The following GREB1L variants were observed in gnomAD, a reference collection of about 807,000 sequenced individuals.
GREB1L encodes GREB1-like protein.
A neutral mutation model predicts 200.8 loss-of-function variants in GREB1L; 17 were observed. The ratio of observed to expected loss-of-function variants is 0.08; its 90% CI spans 0.06 to 0.13. The LOEUF (loss-of-function observed/expected upper bound fraction) is 0.13. GREB1L is among the 10% of genes least tolerant of loss of function. The pLI is 1.00. For synonymous variants in GREB1L, 789 were observed against 893.0 expected (o/e 0.88, Z 2.08); for missense variants, 1,657 against 2,367.7 (o/e 0.70, Z 6.23).
At chr18:21,324,066 G>A (rs547127498) in intron 1 of GREB1L, among the ~76,000 whole-genome samples, 1 of 152,224 alleles carries the variant, frequency 6.6e-6, no homozygotes, top group South Asian at 2.1e-4. Flanking sequence ...ATTACCTGTT[G>A]GGTATTTGAT....
intron 6 of GREB1L, among the ~76,000 whole-genome samples, chr18:21,403,164 G>T (rs1355907341): frequency 1.3e-5 from 2 of 152,010 alleles, no homozygotes; most frequent in Admixed American, 6.6e-5. Flanking sequence ...GACGAATAGG[G>T]TAAAATTTGG....
intron 18 of GREB1L, among the ~76,000 whole-genome samples, chr18:21,486,120 C>T (rs1307527345): frequency 1.3e-5 from 2 of 152,134 alleles, no homozygotes; most frequent in African/African-American, 4.8e-5. Flanking sequence ...TTTGGGAGGC[C>T]GAGGCGGGCG....
At chr18:21,390,484 TG>T (rs1220820560) in intron 4 of GREB1L, among the ~76,000 whole-genome samples, 1 of 152,132 alleles carries the variant, frequency 6.6e-6, no homozygotes, top group East Asian at 1.9e-4. Context: ...TAGGCTAATG[TG>T]TGTGTTTGTG....
intron 1 of GREB1L, among the ~76,000 whole-genome samples, chr18:21,245,268 G>A (rs1257766135): frequency 3.3e-5 from 5 of 152,158 alleles, no homozygotes; most frequent in Non-Finnish European, 1.5e-5. Context: ...TAAAAGCACC[G>A]CTGATGAAAC....
intron 1 of GREB1L, among the ~76,000 whole-genome samples, chr18:21,321,578 T>A (rs1011694528): frequency 1.3e-5 from 2 of 151,678 alleles, no homozygotes; most frequent in African/African-American, 4.8e-5. Flanking sequence ...TCCCAGCTAC[T>A]TGGGAAGCTG....
intron 17 of GREB1L, among the ~76,000 whole-genome samples, chr18:21,484,566 C>T (rs1418859820): frequency 6.6e-6 from 1 of 152,158 alleles, no homozygotes; most frequent in Non-Finnish European, 1.5e-5. Flanking sequence ...CCTGTAATCC[C>T]AGCACTTTGG....
At chr18:21,453,943 C>G (rs1452221235) in intron 14 of GREB1L, among the ~76,000 whole-genome samples, 1 of 152,184 alleles carries the variant, frequency 6.6e-6, no homozygotes, top group Non-Finnish European at 1.5e-5. Context: ...ATGGCATCCC[C>G]TCTTTCCTTG....
At chr18:21,462,788 A>G (rs1389244283) in intron 15 of GREB1L, among the ~76,000 whole-genome samples, 1 of 152,200 alleles carries the variant, frequency 6.6e-6, no homozygotes, top group African/African-American at 2.4e-5. Context: ...AGAGATAGGT[A>G]TGGAATGACT....
rs145304002 is a variant in GREB1L, at chr18:21,436,910, T to C, written c.833-2611T>C. Among the ~76,000 whole-genome samples, 216 of 152,028 alleles carry C rather than the reference T, an allele frequency of 1.4e-3. 1 individual carries two copies. The Middle Eastern group carries it at 0.017, about 12-fold the overall frequency. ...ATTTTTTGTACAGACAAGGTTTCGC[T>C]ATGTTGTCTAGGCTAGTCTCAAACT... On this transcript the variant is annotated intron_variant, in intron 7 of 32. Coordinates refer to ENST00000424526, the MANE Select transcript of GREB1L (RefSeq NM_001142966.3).
At chr18:21,409,719 A>G (rs2030730697) in intron 7 of GREB1L, among the ~76,000 whole-genome samples, 1 of 152,116 alleles carries the variant, frequency 6.6e-6, no homozygotes, top group Non-Finnish European at 1.5e-5. Context: ...TGCTATTAAG[A>G]TACTGTACCT....
chr18:21,284,449 G>A (rs887569039), intron 1 of GREB1L, among the ~76,000 whole-genome samples: 1 of 152,014 alleles, frequency 6.6e-6, no homozygotes, highest in African/African-American at 2.4e-5. Context: ...CTTTTGTGAC[G>A]GGCTTCTTTT....
At chr18:21,459,842 C>T (rs753016062) in intron 15 of GREB1L, among the ~76,000 whole-genome samples, 23 of 152,124 alleles carry the variant, frequency 1.5e-4, no homozygotes, top group Non-Finnish European at 2.9e-4. Context: ...GTAGAGGAAA[C>T]ACGAGAGATT....
chr18:21,467,712 A>G (rs2145628652), intron 15 of GREB1L, among the ~76,000 whole-genome samples: 1 of 152,314 alleles, frequency 6.6e-6, no homozygotes, highest in South Asian at 2.1e-4. Context: ...TTACTCTATG[A>G]TCCAGAAATT....
chr18:21,338,749 A>G (rs762722345), intron 1 of GREB1L, among the ~76,000 whole-genome samples: 7 of 152,254 alleles, frequency 4.6e-5, no homozygotes, highest in Non-Finnish European at 7.3e-5. Context: ...CCACCAGCCT[A>G]CATATCTCAA....
chr18:21,258,916 A>G (rs1180094659), intron 1 of GREB1L, among the ~76,000 whole-genome samples: 2 of 152,226 alleles, frequency 1.3e-5, no homozygotes, highest in Non-Finnish European at 2.9e-5. Context: ...GCATAGTGGA[A>G]TAGAGCCATG....
chr18:21,495,000 A>G (rs1227835361), intron 19 of GREB1L, among the ~76,000 whole-genome samples: 1 of 152,224 alleles, frequency 6.6e-6, no homozygotes, highest in African/African-American at 2.4e-5. Context: ...TTGAGAAACC[A>G]TAAGCCAATT....
chr18:21,501,246 CTGTT>C (rs1288042485), intron 23 of GREB1L, among the ~76,000 whole-genome samples: 6 of 149,210 alleles, frequency 4.0e-5, no homozygotes, highest in African/African-American at 1.2e-4. Context: ...GGTTTTTGGG[CTGTT>C]TTTTTTTTTT....
intron 27 of GREB1L, among the ~76,000 whole-genome samples, chr18:21,511,630 G>A (rs2037241201): frequency 1.3e-5 from 2 of 152,078 alleles, no homozygotes; most frequent in South Asian, 4.2e-4. Flanking sequence ...TTTTGCATGT[G>A]ACTATCAGGT....
At chr18:21,448,389 G>A (rs1311726475) in intron 11 of GREB1L, among the ~76,000 whole-genome samples, 1 of 152,096 alleles carries the variant, frequency 6.6e-6, no homozygotes, top group Non-Finnish European at 1.5e-5. Context: ...TATCTGAAGA[G>A]CATTACTAAA....
Sources: allele counts gnomAD v4.1 joint callset (sites outside exome capture counted in the v4.1 genomes callset), GRCh38; gene constraint gnomAD v4.1.1; transcripts MANE v1.5; gene names NCBI Gene and HGNC (gene_info 2026-07-23, HGNC 2026-07-21).